TRIM35: variants seen among roughly 807,000 people sequenced by gnomAD.
TRIM35 encodes the protein E3 ubiquitin-protein ligase TRIM35.
A neutral mutation model predicts 49.1 loss-of-function variants in TRIM35; 37 were observed. That is an observed-to-expected ratio of 0.75 (90% confidence interval 0.58 to 0.99). TRIM35 has a LOEUF of 0.99. Among genes scored for constraint, TRIM35 ranks in the 50% least tolerant of loss-of-function variants. The probability of loss-of-function intolerance (pLI) is 0.00; values close to 1 mark genes in which losing one functional copy is unlikely to be tolerated. For synonymous variants in TRIM35, 302 were observed against 289.3 expected, an observed-to-expected ratio of 1.04 and a Z score of -0.45; for missense variants, 648 against 702.7, an observed-to-expected ratio of 0.92 and a Z score of 0.88.
intron 1 of TRIM35, among the ~76,000 whole-genome samples, chr8:27,301,364 A>G (rs1942929669): frequency 6.6e-6 from 1 of 152,196 alleles, no homozygotes; most frequent in Admixed American, 6.5e-5. Flanking sequence ...TTCATAATAT[A>G]TTCCTGGGGA....
chr8:27,286,630 C>T lies in TRIM35; in HGVS notation c.*920G>A, dbSNP rs1018124409. ...CTGGAACCCTGTGTTCAGAGGAAAT[C>T]GTGCAAGAATAGATCAATCAGAGCT... On this transcript the variant is annotated 3_prime_UTR_variant, in exon 6 of 6. Transcript: ENST00000305364. The T allele has an allele frequency of 5.5e-5, 10 of 180,274 alleles. No individual in the cohort carries two copies. Among genetic ancestry groups the T allele is most frequent in the Non-Finnish European group, 1.1e-4 (9 of 85,470 alleles). 11.2% of individuals were successfully genotyped at this position (180,274 alleles called of 1,614,324 possible).
At chr8:27,310,697 G>A (rs567531651) in intron 1 of TRIM35, 104 bp downstream of exon 1, 1 of 1,305,706 alleles carries the variant, frequency 7.7e-7, no homozygotes, top group African/African-American at 1.5e-5. Context: ...AGCGAGACGC[G>A]GGCACACTGG....
At chr8:27,299,566 C>T (rs886685947) in intron 1 of TRIM35, among the ~76,000 whole-genome samples, 7 of 152,146 alleles carry the variant, frequency 4.6e-5, no homozygotes, top group Admixed American at 1.3e-4. Flanking sequence ...TGTGGAAGGA[C>T]GTGAACCTGG....
rs1453819959 is a variant in TRIM35 at position 27,286,538 on chromosome 8, T to C, written c.*1012A>G. 5.0e-6 allele frequency: 1 copy of C among 201,764 alleles called. No individual in the cohort carries two copies. The highest frequency in any genetic ancestry group is 2.3e-5 in the African/African-American group (1 of 42,762). The allele number at this position is 201,764 out of a possible 1,614,324, so 12.5% of individuals were successfully genotyped here. ...CCAGTCCTCCTATCTCATTTCCTGG[T>C]GGGGAAACAGGCCTGGCAAGGAAAT... On this transcript the variant is annotated 3_prime_UTR_variant, in exon 6 of 6. Coordinates refer to ENST00000305364, the MANE Select transcript of TRIM35 (RefSeq NM_171982.5).
Position 27,311,155 on chromosome 8 carries a change from G to T in TRIM35, c.81C>A (p.Pro27=). Residue 27 remains proline (P), a synonymous_variant, in exon 1 of 6, where the codon CCC becomes CCA. Coordinates refer to ENST00000305364, the MANE Select transcript of TRIM35 (RefSeq NM_171982.5). ...EELLCAVCYD[P]FRDAVTLRCG... ...AGCGCAGAGTGACTGCGTCGCGGAA[G>T]GGGTCGTAGCAGACGGCGCAGAGCA... The T allele has an allele frequency of 6.2e-7, 1 of 1,607,250 alleles. No individual in the cohort carries two copies.
chr8:27,287,998 A>G lies in TRIM35; in HGVS notation c.1034T>C (p.Leu345Pro). ...NPERFSSAPC[L>P]LGSRVFSQGS... The stretch of plus-strand genomic sequence containing the variant: ...CTGTGAGAAGACACGGGAGCCCAGC[A>G]GGCAGGGCGCCGAGGAGAAGCGTTC... The change falls in exon 6 of 6, where the codon CTG (leucine) becomes CCG (proline). Residue 345 changes from leucine to proline, a missense_variant. Leu to Pro is a moderately conservative substitution (Grantham distance 98). Transcript: ENST00000305364. The surrounding 1 kb of genome is among the most constrained non-coding windows in gnomAD (Gnocchi z 6.0). 6.2e-7 allele frequency: 1 copy of G among 1,613,590 alleles called. No individual in the cohort carries two copies. The highest frequency in any genetic ancestry group is 8.5e-7 in the Non-Finnish European group (1 of 1,180,000).
In TRIM35 at chr8:27,294,183, G is replaced by A. The variant is rs756496452; in HGVS notation, c.659C>T (p.Ala220Val). 1 of 1,614,162 alleles carries A rather than the reference G, an allele frequency of 6.2e-7. No homozygotes were observed. The highest frequency in any genetic ancestry group is 2.2e-5 in the East Asian group (1 of 44,878). The change falls in exon 3 of 6, where the codon GCC (alanine) becomes GTC (valine). Residue 220 changes from alanine to valine, a missense_variant. Coordinates refer to ENST00000305364, the MANE Select transcript of TRIM35 (RefSeq NM_171982.5). Reference sequence around the variant, plus strand: ...TGTGAGCTGCTTCATCTTCTCGTCGGCCAGAAGTTGCTTCTGCCTTGTCTC... The same window carrying A: ...TGTGAGCTGCTTCATCTTCTCGTCGACCAGAAGTTGCTTCTGCCTTGTCTC... ...AEETRQKQLL[A>V]DEKMKQLTEE...
chr8:27,288,116 A>C lies in TRIM35; in HGVS notation c.916T>G (p.Phe306Val). ...LASVESVPFS[F>V]DPNTAAGWLS... ...CAGCCAGCTGCGGTGTTGGGGTCAAAGCTGAAGGGTACTGCAAGCAGAGGC... is the reference window on the plus strand; with the variant it reads ...CAGCCAGCTGCGGTGTTGGGGTCAACGCTGAAGGGTACTGCAAGCAGAGGC... Residue 306 changes from phenylalanine (F) to valine (V), a missense_variant, in exon 6 of 6, where the codon TTT (phenylalanine) becomes GTT (valine). Coordinates refer to ENST00000305364, the MANE Select transcript of TRIM35 (RefSeq NM_171982.5). 6.2e-7 allele frequency: 1 copy of C among 1,605,148 alleles called. No homozygotes were observed.
In TRIM35 at chr8:27,288,074, C is replaced by T. The variant is rs749591000; in HGVS notation, c.958G>A (p.Asp320Asn). 13 of 1,612,182 alleles carry T rather than the reference C, an allele frequency of 8.1e-6. No homozygotes were observed. The highest frequency in any genetic ancestry group is 1.7e-4 in the Middle Eastern group (1 of 6,060). Residue 320 changes from aspartate to asparagine, a missense_variant, in exon 6 of 6, where the codon GAC becomes AAC. Asp to Asn is a conservative substitution (Grantham distance 23). Transcript: ENST00000305364. Reference protein sequence around the residue: ...TAAGWLSVSDDLTSVTNHGYR... With the variant: ...TAAGWLSVSDNLTSVTNHGYR... ...CCATGGTTGGTGACGCTGGTGAGGT[C>T]GTCAGACACGGAGAGCCAGCCAGCT...
chr8:27,293,982 C>T (rs1586046249), intron 3 of TRIM35, 98 bp downstream of exon 3: 1 of 1,213,998 alleles, frequency 8.2e-7, no homozygotes, highest in Non-Finnish European at 1.2e-6. Flanking sequence ...CCAGGAAGCT[C>T]CAGGAAGATG....
chr8:27,300,278 A>G (rs893274981), intron 1 of TRIM35, among the ~76,000 whole-genome samples: 41 of 152,226 alleles, frequency 2.7e-4, no homozygotes, highest in African/African-American at 9.6e-4. Flanking sequence ...CTCATGACAG[A>G]CCTTGAGGCA....
At chr8:27,299,930 C>T (rs905310852) in intron 1 of TRIM35, among the ~76,000 whole-genome samples, 2 of 152,202 alleles carry the variant, frequency 1.3e-5, no homozygotes, top group African/African-American at 4.8e-5. Flanking sequence ...AAATCCCCTC[C>T]TCTGTGGGTG....
At chr8:27,293,564 T>A (rs1046420617) in intron 3 of TRIM35, among the ~76,000 whole-genome samples, 1 of 151,966 alleles carries the variant, frequency 6.6e-6, no homozygotes, top group African/African-American at 2.4e-5. Flanking sequence ...AGACAGGAGC[T>A]GGGCACAGTG....
At position 27,286,425 on chromosome 8, in the gene TRIM35, G is replaced by T; in HGVS notation, c.*1125C>A. 1 of 284,750 alleles carries T rather than the reference G, an allele frequency of 3.5e-6. No homozygotes were observed. The highest frequency in any genetic ancestry group is 7.0e-6 in the Non-Finnish European group (1 of 142,912). The allele number at this position is 284,750 out of a possible 1,614,324, so 17.6% of individuals were successfully genotyped here. On this transcript the variant is annotated 3_prime_UTR_variant, in exon 6 of 6. Transcript: ENST00000305364. Reference sequence around the variant, plus strand: ...CTCTCCTTTCTTCCCAACTGAAAAGGGTGCCCTCTTTCCTTCTTTTCTGCA... The same window carrying T: ...CTCTCCTTTCTTCCCAACTGAAAAGTGTGCCCTCTTTCCTTCTTTTCTGCA...
At position 27,294,149 on chromosome 8, in the gene TRIM35, C is replaced by T. The variant is rs115331554; in HGVS notation, c.693G>A (p.Thr231=). 3.6e-4 allele frequency: 580 copies of T among 1,614,218 alleles called. 1 individual carries two copies. The African/African-American group carries it at 6.8e-3, about 19-fold the overall frequency. The change falls in exon 3 of 6, where the codon ACG becomes ACA. Residue 231 remains threonine (T), a synonymous_variant. Coordinates refer to ENST00000305364, the MANE Select transcript of TRIM35 (RefSeq NM_171982.5). Reference sequence around the variant, plus strand: ...GCTCGATCTCATGTGCCAGCACCTCCGTCTCCTCTGTGAGCTGCTTCATCT... The same window carrying T: ...GCTCGATCTCATGTGCCAGCACCTCTGTCTCCTCTGTGAGCTGCTTCATCT... ...DEKMKQLTEE[T]EVLAHEIERL... is the part of the protein sequence containing the mutation.
At chr8:27,297,794 G>T (rs1190844177) in intron 2 of TRIM35, among the ~76,000 whole-genome samples, 1 of 152,188 alleles carries the variant, frequency 6.6e-6, no homozygotes. Context: ...TTGCTTAAGG[G>T]ACAGAAAGAA....
At position 27,286,284 on chromosome 8, in the gene TRIM35, C is replaced by T. The variant is rs1032867362; in HGVS notation, c.*1266G>A. 9 of 423,232 alleles carry T rather than the reference C, an allele frequency of 2.1e-5. No homozygotes were observed. The highest frequency in any genetic ancestry group is 1.0e-4 in the African/African-American group (5 of 49,012). 26.2% of individuals were successfully genotyped at this position (423,232 alleles called of 1,614,324 possible). On this transcript the variant is annotated 3_prime_UTR_variant, in exon 6 of 6. Transcript: ENST00000305364. The stretch of plus-strand genomic sequence containing the variant: ...TGGAGGAAGAAATTAGGGATGAAAT[C>T]GCAAGTGGCAGAGCAAGCATGACCA...
rs771501390 is a variant in TRIM35 at position 27,287,733 on chromosome 8, C to G, written c.1299G>C (p.Glu433Asp). Residue 433 changes from glutamate (E) to aspartate (D), a missense_variant, in exon 6 of 6, where the codon GAG becomes GAC. Glu to Asp is a conservative substitution (Grantham distance 45). Coordinates refer to ENST00000305364, the MANE Select transcript of TRIM35 (RefSeq NM_171982.5). This position sits in a 1 kb window ranked among gnomAD's most constrained non-coding sequence, Gnocchi z 6.0. ...AIPRRLRVEL[E>D]CEEGELSFYD... ...AGAAAGACAGCTCGCCCTCCTCACA[C>G]TCCAGCTCCACACGCAGGCGGCGTG... 2.5e-5 allele frequency: 41 copies of G among 1,610,628 alleles called. No homozygotes were observed. The South Asian group carries it at 4.5e-4, about 18-fold the overall frequency.
chr8:27,307,081 T>C (rs1168358851), intron 1 of TRIM35, among the ~76,000 whole-genome samples: 2 of 152,174 alleles, frequency 1.3e-5, no homozygotes, highest in Non-Finnish European at 2.9e-5. Context: ...TGCATACTTG[T>C]TCAAGTTTGA....
Sources: allele counts gnomAD v4.1 joint callset (sites outside exome capture counted in the v4.1 genomes callset), GRCh38; gene constraint gnomAD v4.1.1; non-coding constraint Gnocchi (gnomAD v3.1); transcripts MANE v1.5; gene names NCBI Gene and HGNC (gene_info 2026-07-23, HGNC 2026-07-21).